The following SPON1 variants were observed in gnomAD, a reference collection of about 807,000 sequenced individuals.
SPON1 encodes spondin 1.
SPON1 carries 52 observed loss-of-function variants against 111.7 expected under a neutral mutation model. The ratio of observed to expected loss-of-function variants is 0.47; its 90% CI spans 0.37 to 0.59. The LOEUF (loss-of-function observed/expected upper bound fraction) is 0.59, where lower values mean the gene tolerates loss of function less well. Ranked by LOEUF, SPON1 falls within the 20% of genes least tolerant of loss-of-function variation. SPON1 has a pLI of 0.00. For missense variants in SPON1, 957 were observed against 1,068.5 expected (o/e 0.90, Z 1.46); for synonymous variants, 410 against 395.8 (o/e 1.04, Z -0.43).
intron 3 of SPON1, among the ~76,000 whole-genome samples, chr11:14,064,588 T>C (rs1338139591): frequency 1.3e-5 from 2 of 152,202 alleles, no homozygotes; most frequent in African/African-American, 4.8e-5. Flanking sequence ...GACTATAACC[T>C]GTAAGCGAGA....
chr11:14,097,832 A>G (rs1378920163), intron 5 of SPON1, among the ~76,000 whole-genome samples: 5 of 145,016 alleles, frequency 3.4e-5, no homozygotes, highest in African/African-American at 1.2e-4. Context: ...GTAAAACACA[A>G]CATGTTTTTG....
intron 4 of SPON1, among the ~76,000 whole-genome samples, chr11:14,077,151 G>A (rs1554921568): frequency 6.6e-6 from 1 of 152,124 alleles, no homozygotes; most frequent in African/African-American, 2.4e-5. Flanking sequence ...TTTGGGAAGT[G>A]CACATTAGTT....
intron 6 of SPON1, among the ~76,000 whole-genome samples, chr11:14,197,641 A>G (rs1848417282): frequency 7.6e-6 from 1 of 131,560 alleles, no homozygotes; most frequent in South Asian, 2.7e-4. Context: ...CACCTCTACT[A>G]AATATACAAA....
intron 5 of SPON1, among the ~76,000 whole-genome samples, chr11:14,086,131 C>A (rs1174049094): frequency 3.3e-5 from 5 of 152,200 alleles, no homozygotes; most frequent in African/African-American, 1.2e-4. Flanking sequence ...TTTGAGTATG[C>A]TTTATTTCTT....
rs1332442437 is a variant in SPON1, at chr11:14,165,086, C to CA, written c.825+29519dup. On this transcript the variant is annotated intron_variant, in intron 6 of 15. Transcript: ENST00000576479. ...AGTCCTACAAAGGCAATCTAGTCCC[C>CA]AGGCAAGAAGGAGACCTGCTTTGAC... Among the ~76,000 whole-genome samples, 5 of 152,120 alleles carry CA rather than the reference C, an allele frequency of 3.3e-5. No homozygotes were observed. In the East Asian group the frequency reaches 9.6e-4, roughly 29 times the overall value.
At chr11:14,121,163 G>A (rs906944817) in intron 5 of SPON1, among the ~76,000 whole-genome samples, 4 of 152,214 alleles carry the variant, frequency 2.6e-5, no homozygotes, top group African/African-American at 4.8e-5. Flanking sequence ...AGGGCTGGGA[G>A]TGGTGGTGGG....
intron 14 of SPON1, among the ~76,000 whole-genome samples, chr11:14,261,062 T>C (rs1449181386): frequency 6.6e-6 from 1 of 152,116 alleles, no homozygotes; most frequent in Non-Finnish European, 1.5e-5. Context: ...CCCCAACAAT[T>C]ATAGGCTTGC....
At chr11:14,116,241 TGTG>T (rs1554925980) in intron 5 of SPON1, among the ~76,000 whole-genome samples, 2 of 152,192 alleles carry the variant, frequency 1.3e-5, no homozygotes, top group Admixed American at 6.5e-5. Flanking sequence ...TTAATTTAAA[TGTG>T]GTCCACATTA....
At chr11:14,095,631 T>C (rs983650047) in intron 5 of SPON1, among the ~76,000 whole-genome samples, 2 of 152,066 alleles carry the variant, frequency 1.3e-5, no homozygotes. Context: ...AGAAGGCCAA[T>C]GTCCCTGGTC....
intron 2 of SPON1, among the ~76,000 whole-genome samples, chr11:14,020,434 G>C (rs2133803340): frequency 2.0e-5 from 3 of 152,356 alleles, no homozygotes; most frequent in Middle Eastern, 6.8e-3. Flanking sequence ...CAAGGGTTAA[G>C]AAGAGAATGG....
intron 6 of SPON1, among the ~76,000 whole-genome samples, chr11:14,139,725 T>TATATATATATATATATATATA (rs1564913657): frequency 1.3e-5 from 2 of 150,726 alleles, no homozygotes; most frequent in African/African-American, 4.9e-5. Flanking sequence ...TATATATATA[T>TATATATATATATATATATATA]TTAAGTGAAA....
chr11:14,125,303 C>G (rs1186493702), intron 5 of SPON1, among the ~76,000 whole-genome samples: 2 of 152,184 alleles, frequency 1.3e-5, no homozygotes, highest in Non-Finnish European at 2.9e-5. Flanking sequence ...GGCAGGTCCA[C>G]AATACTTTTC....
intron 6 of SPON1, among the ~76,000 whole-genome samples, chr11:14,159,814 T>C (rs1241508023): frequency 6.6e-6 from 1 of 150,466 alleles, no homozygotes; most frequent in Non-Finnish European, 1.5e-5. Flanking sequence ...TTCTCACTTA[T>C]TTATGAGATC....
intron 5 of SPON1, among the ~76,000 whole-genome samples, chr11:14,084,312 C>T (rs565368373): frequency 2.0e-4 from 30 of 152,178 alleles, no homozygotes; most frequent in African/African-American, 6.5e-4. Flanking sequence ...CTGCACTCCC[C>T]GACAGGACCA....
At position 14,249,893 on chromosome 11, in the gene SPON1, T is replaced by C. The variant is rs567560619; in HGVS notation, c.891-4635T>C. 5.9e-5 allele frequency among the ~76,000 whole-genome samples: 9 copies of C among 152,280 alleles called. No homozygotes were observed. The South Asian group carries it at 1.9e-3, about 32-fold the overall frequency. On this transcript the variant is annotated intron_variant, in intron 7 of 15. Transcript: ENST00000576479. ...GTAGTAATTGCAAAGAAAGGTGAGGTGGAAGCCCTCATCACATAGCTATTA... is the reference window on the plus strand; with the variant it reads ...GTAGTAATTGCAAAGAAAGGTGAGGCGGAAGCCCTCATCACATAGCTATTA...
At chr11:14,117,194 A>G (rs1340793813) in intron 5 of SPON1, among the ~76,000 whole-genome samples, 2 of 152,244 alleles carry the variant, frequency 1.3e-5, no homozygotes, top group East Asian at 3.9e-4. Flanking sequence ...TTCTTGCCTT[A>G]TTGCACTGGC....
At chr11:14,086,378 G>A (rs1298091272) in intron 5 of SPON1, among the ~76,000 whole-genome samples, 1 of 152,132 alleles carries the variant, frequency 6.6e-6, no homozygotes, top group Non-Finnish European at 1.5e-5. Flanking sequence ...TTTACTGAAG[G>A]CTTTTTCTGC....
At chr11:14,116,126 T>A (rs762503591) in intron 5 of SPON1, among the ~76,000 whole-genome samples, 1 of 152,208 alleles carries the variant, frequency 6.6e-6, no homozygotes, top group Non-Finnish European at 1.5e-5. Context: ...TAATTCTTTA[T>A]ATAGTCTAGA....
intron 6 of SPON1, among the ~76,000 whole-genome samples, chr11:14,217,709 T>G (rs1848640423): frequency 6.6e-6 from 1 of 152,202 alleles, no homozygotes; most frequent in Admixed American, 6.5e-5. Flanking sequence ...CTCTGTGATC[T>G]TAGGCAAAAT....
Sources: allele counts gnomAD v4.1 joint callset (sites outside exome capture counted in the v4.1 genomes callset), GRCh38; gene constraint gnomAD v4.1.1; transcripts MANE v1.5; gene names NCBI Gene and HGNC (gene_info 2026-07-23, HGNC 2026-07-21).